The following BRD8 variants were observed in gnomAD, a reference collection of about 807,000 sequenced individuals.
BRD8 encodes bromodomain containing 8.
Under a neutral mutation model 143.1 loss-of-function variants are expected in BRD8, and 67 were observed. That is an observed-to-expected ratio of 0.47 (90% CI 0.38 to 0.57). The LOEUF is 0.57. Among genes scored for constraint, BRD8 ranks in the 20% least tolerant of loss-of-function variants. The probability of loss-of-function intolerance (pLI) is 0.00; values close to 1 mark genes in which losing one functional copy is unlikely to be tolerated. For synonymous variants in BRD8, 505 were observed against 517.1 expected, an observed-to-expected ratio of 0.98 and a Z score of 0.32; for missense variants, 1,103 against 1,503.0, an observed-to-expected ratio of 0.73 and a Z score of 4.40.
At chr5:138,145,273 A>G (rs1752102144) in intron 24 of BRD8, 28 bp from the exon 25 acceptor site, 2 of 1,605,850 alleles carry the variant, frequency 1.2e-6, no homozygotes, top group Admixed American at 1.7e-5. Context: ...CAGAGAGGAT[A>G]AAGAAACCCT....
intron 20 of BRD8, among the ~76,000 whole-genome samples, chr5:138,156,216 T>TG (rs1366370287): frequency 6.6e-6 from 1 of 151,866 alleles, no homozygotes; most frequent in Non-Finnish European, 1.5e-5. Context: ...CTCAGCTCAC[T>TG]GCAACCTCCG....
rs757840348 is a variant in BRD8 at position 138,140,832 on chromosome 5, C to T, written c.3488G>A (p.Arg1163His). The T allele has an allele frequency of 1.2e-5, 19 of 1,613,998 alleles. No individual in the cohort carries two copies. In the East Asian group the frequency reaches 2.7e-4, roughly 23 times the overall value. The change falls in exon 26 of 27, where the codon CGC becomes CAC. Residue 1163 changes from arginine to histidine, a missense_variant. Physicochemically the swap from Arg to His is conservative, Grantham distance 29. Around this residue, in one of 7 missense-constraint regions of BRD8, gnomAD observed 369 missense variants for 445.5 expected, o/e 0.83. Coordinates refer to ENST00000254900, the MANE Select transcript of BRD8 (RefSeq NM_139199.2). ...LKRNLSKGRI[R>H]TMAQFLRDLM... The stretch of plus-strand genomic sequence containing the variant: ...GTCTCGCAGGAATTGGGCCATGGTG[C>T]GAATCCGACCCTTAGAGAGATTTCT...
chr5:138,169,338 G>A lies in BRD8; in HGVS notation c.526C>T (p.Pro176Ser). 2.5e-6 allele frequency: 4 copies of A among 1,613,932 alleles called. No homozygotes were observed. The highest frequency in any genetic ancestry group is 3.4e-6 in the Non-Finnish European group (4 of 1,179,924). ...ATCACAGTGGGTAACCTCCGGGGGG[G>A]TGTTTTTACTGCTTGACGAGCTAGA... is the stretch of plus-strand genomic sequence containing the variant. Reference protein sequence around the residue: ...AYQARQAVKTPPRRLPTVMVR... With the variant: ...AYQARQAVKTSPRRLPTVMVR... Residue 176 changes from proline (P) to serine (S), a missense_variant, in exon 8 of 27, where the codon CCC becomes TCC. Around this residue, in one of 7 missense-constraint regions of BRD8, gnomAD observed 334 missense variants for 372.5 expected, o/e 0.90. Coordinates refer to ENST00000254900, the MANE Select transcript of BRD8 (RefSeq NM_139199.2).
intron 25 of BRD8, among the ~76,000 whole-genome samples, chr5:138,142,362 T>C (rs186989300): frequency 5.3e-5 from 8 of 152,310 alleles, no homozygotes; most frequent in African/African-American, 1.7e-4. Context: ...GCCTGTGGTA[T>C]TGTGCTATAG....
chr5:138,172,334 C>G (rs1753932605), intron 2 of BRD8, among the ~76,000 whole-genome samples, 200 bp from the exon 3 acceptor site: 1 of 150,730 alleles, frequency 6.6e-6, no homozygotes, highest in African/African-American at 2.4e-5. Flanking sequence ...ACCAACCTGG[C>G]CAACATGGTG....
chr5:138,144,623 C>A (rs1300437954), intron 25 of BRD8, among the ~76,000 whole-genome samples: 1 of 152,120 alleles, frequency 6.6e-6, no homozygotes, highest in African/African-American at 2.4e-5. Context: ...AATGATCAGG[C>A]TGGACACCAA....
At chr5:138,154,981 C>G (rs554781845) in intron 20 of BRD8, among the ~76,000 whole-genome samples, 10 of 152,068 alleles carry the variant, frequency 6.6e-5, no homozygotes, top group Admixed American at 4.6e-4. Context: ...AGGCGCCCAC[C>G]ACCATGCCTG....
chr5:138,163,513 T>C, intron 14 of BRD8, 169 bp from the exon 15 acceptor site: 3 of 1,419,864 alleles, frequency 2.1e-6, no homozygotes, highest in Non-Finnish European at 2.8e-6. Flanking sequence ...GACACTGCGT[T>C]AAGTAATTTA....
At chr5:138,156,144 ATTTTT>A (rs34113515) in intron 20 of BRD8, among the ~76,000 whole-genome samples, 1 of 141,122 alleles carries the variant, frequency 7.1e-6, no homozygotes, top group Non-Finnish European at 1.5e-5. Flanking sequence ...GTGTTGGGCT[ATTTTT>A]TTTTTTTTGA....
chr5:138,147,697 G>A (rs1304929636), intron 23 of BRD8, among the ~76,000 whole-genome samples: 2 of 152,152 alleles, frequency 1.3e-5, no homozygotes, highest in African/African-American at 2.4e-5. Context: ...AGGACTTTGG[G>A]AGGCCAAGGC....
chr5:138,144,931 A>G (rs1171159384), intron 25 of BRD8, among the ~76,000 whole-genome samples: 1 of 148,414 alleles, frequency 6.7e-6, no homozygotes, highest in Non-Finnish European at 1.5e-5. Context: ...ATATATATAT[A>G]TAGAATGGAT....
rs528491235 is a variant in BRD8, at chr5:138,154,893, G to A, written c.2578-2133C>T. Among the ~76,000 whole-genome samples, 490 of 139,364 alleles carry A rather than the reference G, an allele frequency of 3.5e-3. 1 individual carries two copies. Among genetic ancestry groups the A allele is most frequent in the Middle Eastern group, 0.012 (3 of 250 alleles). The allele number at this position is 139,364 out of a possible 152,430, so 91.4% of individuals were successfully genotyped here. The stretch of plus-strand genomic sequence containing the variant: ...TCGCCAGGTTGGAGTGCAGTGGCTT[G>A]ATCTCGGATCACTGCAACCTCTGCC... On this transcript the variant is annotated intron_variant, in intron 20 of 26. Coordinates refer to ENST00000254900, the MANE Select transcript of BRD8 (RefSeq NM_139199.2).
intron 26 of BRD8, 117 bp downstream of exon 26, chr5:138,140,588 G>A: frequency 8.4e-7 from 1 of 1,194,738 alleles, no homozygotes; most frequent in Non-Finnish European, 1.2e-6. Context: ...AATCCTTCAG[G>A]GCCTTAATCA....
chr5:138,151,599 T>C (rs1237434021), intron 21 of BRD8, among the ~76,000 whole-genome samples: 1 of 152,236 alleles, frequency 6.6e-6, no homozygotes, highest in Non-Finnish European at 1.5e-5. Flanking sequence ...AAGCAGTCCT[T>C]ATGACCCAGG....
Position 138,177,578 on chromosome 5 carries a change from G to A in BRD8, c.109C>T (p.Gln37Ter). 1 of 1,609,356 alleles carries A rather than the reference G, an allele frequency of 6.2e-7. No individual in the cohort carries two copies. The highest frequency in any genetic ancestry group is 8.5e-7 in the Non-Finnish European group (1 of 1,177,260). ...LASSVMRSGD[Q>*]NWVSVSRAIK... ...ACATCCTAGATACCTTACCAATTTT[G>A]ATCGCCACTTCTCATGACAGAAGAT... The change falls in exon 2 of 27, where the codon CAA becomes TAA. Residue 37 changes from glutamine (Q) to a stop codon, truncating the protein, a stop_gained. Coordinates refer to ENST00000254900, the MANE Select transcript of BRD8 (RefSeq NM_139199.2). LOFTEE classifies it high-confidence loss of function.
In BRD8 at chr5:138,163,106, AAAGAAAGAATCT is replaced by A; in HGVS notation, c.2087+12_2087+23del. ...TCCTCACCTTCACTGCCTTGGCCTC[AAAGAAAGAATCT>A]CAGATACTCACAACTGTGAAGAAGC... On this transcript the variant is annotated intron_variant, in intron 15 of 26. Coordinates refer to ENST00000254900, the MANE Select transcript of BRD8 (RefSeq NM_139199.2). The A allele has an allele frequency of 1.2e-6, 2 of 1,609,308 alleles. No individual in the cohort carries two copies. Among genetic ancestry groups the A allele is most frequent in the Non-Finnish European group, 1.7e-6 (2 of 1,176,200 alleles).
Position 138,164,310 on chromosome 5 carries a change from C to T in BRD8, c.1825+10G>A. 3 of 1,612,830 alleles carry T rather than the reference C, an allele frequency of 1.9e-6. No individual in the cohort carries two copies. The highest frequency in any genetic ancestry group is 2.5e-6 in the Non-Finnish European group (3 of 1,178,880). The stretch of plus-strand genomic sequence containing the variant: ...ATGATTTCAAGTCAGTGAAAGAGGA[C>T]TTTATTTACCTGACATTTCAAACTT... On this transcript the variant is annotated intron_variant, in intron 13 of 26. Coordinates refer to ENST00000254900, the MANE Select transcript of BRD8 (RefSeq NM_139199.2).
In BRD8 at chr5:138,145,654, C is replaced by T. The variant is rs577612280; in HGVS notation, c.3368+135G>A. ...CAGCTGTGGGTACTTTGGGATAAAT[C>T]GGGCTTAGATACAGAATCTACCTTT... On this transcript the variant is annotated intron_variant, in intron 24 of 26. Transcript: ENST00000254900. The T allele has an allele frequency of 4.8e-5, 34 of 712,622 alleles. No homozygotes were observed. The South Asian group carries it at 5.3e-4, about 11-fold the overall frequency. The allele number at this position is 712,622 out of a possible 1,614,324, so 44.1% of individuals were successfully genotyped here.
intron 14 of BRD8, chr5:138,163,587 T>G (rs1753172865): frequency 6.9e-7 from 1 of 1,455,174 alleles, no homozygotes; most frequent in Admixed American, 2.1e-5. Flanking sequence ...AGCTACTTAC[T>G]TAAGACTAAG....
Sources: allele counts gnomAD v4.1 joint callset (sites outside exome capture counted in the v4.1 genomes callset), GRCh38; gene constraint gnomAD v4.1.1; regional missense constraint gnomAD v4.1.1; transcripts MANE v1.5; gene names NCBI Gene and HGNC (gene_info 2026-07-23, HGNC 2026-07-21).